Variants in PCDH7 observed in about 807,000 individuals in gnomAD.
The protein encoded by PCDH7 is protocadherin-7.
Under a neutral mutation model 58.9 loss-of-function variants are expected in PCDH7, and 17 were observed. That is an observed-to-expected ratio of 0.29 (90% confidence interval 0.20 to 0.43). PCDH7 has a LOEUF of 0.43. Ranked by LOEUF, PCDH7 falls within the 20% of genes least tolerant of loss-of-function variation. The probability of loss-of-function intolerance (pLI) is 1.00; values close to 1 mark genes in which losing one functional copy is unlikely to be tolerated. For missense variants in PCDH7, 1,274 were observed against 1,441.0 expected (o/e 0.88, Z 1.88); for synonymous variants, 664 against 616.4 (o/e 1.08, Z -1.14).
intron 3 of PCDH7, among the ~76,000 whole-genome samples, chr4:30,965,468 TG>T (rs1482328019): frequency 6.6e-6 from 1 of 151,990 alleles, no homozygotes; most frequent in Non-Finnish European, 1.5e-5. Context: ...ATGTTAAATT[TG>T]TTTGACTAGA....
At chr4:30,877,395 G>C (rs954729151) in intron 1 of PCDH7, among the ~76,000 whole-genome samples, 1 of 152,142 alleles carries the variant, frequency 6.6e-6, no homozygotes, top group Admixed American at 6.6e-5. Flanking sequence ...CTGGCACCTC[G>C]TAGTGTATTG....
At position 30,787,421 on chromosome 4, in the gene PCDH7, G is replaced by A. The variant is rs140947645; in HGVS notation, c.70+62825G>A. Among the ~76,000 whole-genome samples, 593 of 152,132 alleles carry A rather than the reference G, an allele frequency of 3.9e-3. 7 individuals are homozygous for A. The highest frequency in any genetic ancestry group is 0.013 in the African/African-American group (528 of 41,528). On this transcript the variant is annotated intron_variant, in intron 1 of 3. Coordinates refer to the PCDH7 transcript ENST00000509759. ...CAGGGAAAGTGAGAATCTAGTGAACGTGAGAGGAAGTAAAATTTAGGCAAT... is the reference window on the plus strand; with the variant it reads ...CAGGGAAAGTGAGAATCTAGTGAACATGAGAGGAAGTAAAATTTAGGCAAT...
At chr4:30,950,352 A>T (rs998639174) in intron 3 of PCDH7, 14 of 152,406 alleles carry the variant, frequency 9.2e-5, no homozygotes, top group Non-Finnish European at 1.3e-4. Flanking sequence ...ACTTGAGTTT[A>T]TATGTTTCAC....
At chr4:31,124,971 T>C (rs1416820382) in intron 3 of PCDH7, among the ~76,000 whole-genome samples, 1 of 152,240 alleles carries the variant, frequency 6.6e-6, no homozygotes, top group East Asian at 1.9e-4. Flanking sequence ...TTTCCAAACA[T>C]GGCTTTTCTT....
chr4:31,013,784 T>G (rs1026639852), intron 3 of PCDH7, among the ~76,000 whole-genome samples: 2 of 152,138 alleles, frequency 1.3e-5, no homozygotes, highest in African/African-American at 4.8e-5. Context: ...AAGGATGGAA[T>G]AACTCTAGCA....
intron 3 of PCDH7, among the ~76,000 whole-genome samples, chr4:31,058,320 A>T (rs1022383729): frequency 6.6e-6 from 1 of 152,088 alleles, no homozygotes; most frequent in African/African-American, 2.4e-5. Context: ...TTAATAGAGT[A>T]TGCACAATGG....
intron 1 of PCDH7, among the ~76,000 whole-genome samples, chr4:30,861,885 C>G (rs1023965618): frequency 6.6e-6 from 1 of 151,968 alleles, no homozygotes; most frequent in African/African-American, 2.4e-5. Context: ...TGACTTTGTT[C>G]CCCCCAGGTT....
chr4:30,748,798 G>A (rs566889494), intron 1 of PCDH7, among the ~76,000 whole-genome samples: 17 of 152,116 alleles, frequency 1.1e-4, no homozygotes, highest in Non-Finnish European at 2.2e-4. Flanking sequence ...TGATGCACCC[G>A]TCTTGGGATG....
At chr4:30,892,135 G>A (rs1311606739) in intron 1 of PCDH7, among the ~76,000 whole-genome samples, 4 of 151,962 alleles carry the variant, frequency 2.6e-5, no homozygotes, top group Non-Finnish European at 5.9e-5. Flanking sequence ...TAAATCAGAA[G>A]GATGCATTTC....
At chr4:30,744,439 A>G (rs920892598) in intron 1 of PCDH7, among the ~76,000 whole-genome samples, 5 of 152,224 alleles carry the variant, frequency 3.3e-5, no homozygotes, top group Non-Finnish European at 5.9e-5. Context: ...CATGATTTAC[A>G]TGTCCAATGG....
chr4:30,851,471 G>T (rs1277328860), intron 1 of PCDH7, among the ~76,000 whole-genome samples: 4 of 151,946 alleles, frequency 2.6e-5, no homozygotes, highest in Admixed American at 1.3e-4. Flanking sequence ...GAAGAAAAGA[G>T]TGTTTATGGT....
At chr4:30,990,698 A>G (rs10026911) in intron 3 of PCDH7, among the ~76,000 whole-genome samples, 6,576 of 152,172 alleles carry the variant, frequency 0.043, 490 homozygotes, top group African/African-American at 0.15. Context: ...CATTAATGCT[A>G]TTAAAAATAT....
At chr4:31,054,780 G>T (rs1206755414) in intron 3 of PCDH7, among the ~76,000 whole-genome samples, 1 of 152,058 alleles carries the variant, frequency 6.6e-6, no homozygotes, top group Non-Finnish European at 1.5e-5. Flanking sequence ...TATGACCTCA[G>T]TTCTTTTTTG....
At chr4:30,900,829 G>A (rs948963001) in intron 1 of PCDH7, among the ~76,000 whole-genome samples, 2 of 152,074 alleles carry the variant, frequency 1.3e-5, no homozygotes, top group African/African-American at 4.8e-5. Flanking sequence ...TGGAAATAAA[G>A]TCAGGAATGG....
At chr4:30,945,611 A>T (rs1173198120) in intron 2 of PCDH7, among the ~76,000 whole-genome samples, 1 of 151,832 alleles carries the variant, frequency 6.6e-6, no homozygotes, top group Non-Finnish European at 1.5e-5. Context: ...AGTATTCTCT[A>T]TTTATTTTTT....
Position 30,723,165 on chromosome 4 carries a change from C to T in PCDH7, c.1743C>T (p.Ile581=). ...CGCTGGACTCCTCTGTGATGGGGAT[C>T]TTTGCCATCGATCCCGATTCTGGGG... The change falls in exon 1 of 2, where the codon ATC becomes ATT. Residue 581 remains isoleucine, a synonymous_variant. Transcript: ENST00000361762. The surrounding 1 kb of genome is among the most constrained non-coding windows in gnomAD (Gnocchi z 4.6). 2 of 1,614,172 alleles carry T rather than the reference C, an allele frequency of 1.2e-6. No homozygotes were observed. Among genetic ancestry groups the T allele is most frequent in the Non-Finnish European group, 1.7e-6 (2 of 1,180,042 alleles).
chr4:30,759,848 A>G (rs1719795697), intron 1 of PCDH7, among the ~76,000 whole-genome samples: 1 of 152,146 alleles, frequency 6.6e-6, no homozygotes, highest in Non-Finnish European at 1.5e-5. Context: ...GTAAGATTAG[A>G]TACATCTTAC....
At chr4:31,014,526 G>A (rs1435781197) in intron 3 of PCDH7, among the ~76,000 whole-genome samples, 1 of 152,080 alleles carries the variant, frequency 6.6e-6, no homozygotes, top group Non-Finnish European at 1.5e-5. Flanking sequence ...AGAAGGCAAG[G>A]GAAGGGAAAG....
intron 3 of PCDH7, among the ~76,000 whole-genome samples, chr4:30,958,156 A>G (rs1748041952): frequency 1.3e-5 from 2 of 151,938 alleles, no homozygotes; most frequent in South Asian, 4.2e-4. Context: ...TTTTAAAAAT[A>G]CTCTTAACTT....
Sources: gnomAD v4.1 joint callset for allele counts (sites outside exome capture counted in the v4.1 genomes callset) on GRCh38, gnomAD v4.1.1 for gene constraint, Gnocchi (gnomAD v3.1) non-coding constraint, MANE v1.5 for transcripts, NCBI Gene and HGNC (gene_info 2026-07-23, HGNC 2026-07-21) for gene names.